Variants in POU3F1 observed in about 807,000 individuals in gnomAD.
POU3F1 encodes POU domain, class 3, transcription factor 1.
Under a neutral mutation model 7.6 loss-of-function variants are expected in POU3F1, and 1 was observed. The ratio of observed to expected loss-of-function variants is 0.13; its 90% CI spans 0.05 to 0.62. POU3F1 has a LOEUF of 0.62. Ranked by LOEUF, POU3F1 falls within the 20% of genes least tolerant of loss-of-function variation. The pLI, the probability that POU3F1 is intolerant of heterozygous loss-of-function variation, is 0.87. For missense variants in POU3F1, 505 were observed against 679.3 expected, an observed-to-expected ratio of 0.74 and a Z score of 2.85; for synonymous variants, 354 against 339.0, an observed-to-expected ratio of 1.04 and a Z score of -0.49.
At position 38,046,649 on chromosome 1, in the gene POU3F1, GC is replaced by G; in HGVS notation, c.94del (p.Ala32ArgfsTer21). On this transcript the variant is annotated frameshift_variant, in exon 1 of 1. Coordinates refer to ENST00000373012, the MANE Select transcript of POU3F1 (RefSeq NM_002699.4). LOFTEE classifies it low-confidence loss of function (END_TRUNC). This position sits in a 1 kb window ranked among gnomAD's most constrained non-coding sequence, Gnocchi z 9.5. ...CAATCGCTCCGCGGCCGCCGCCGCCGCCGCCGCCGCCGCGGCGTCCGGGTGC... is the reference window on the plus strand; with the variant it reads ...CAATCGCTCCGCGGCCGCCGCCGCCGCGCCGCCGCCGCGGCGTCCGGGTGC... ...LMHPDAAAAA[A>X]AAAAAERLHA... 1 of 1,304,284 alleles carries G rather than the reference GC, an allele frequency of 7.7e-7. No individual in the cohort carries two copies. Among genetic ancestry groups the G allele is most frequent in the Non-Finnish European group, 9.8e-7 (1 of 1,023,862 alleles). 80.8% of individuals were successfully genotyped at this position (1,304,284 alleles called of 1,614,324 possible).
Position 38,046,708 on chromosome 1 carries a change from G to T in POU3F1, c.36C>A (p.Pro12=). The T allele has an allele frequency of 3.5e-6, 4 of 1,156,526 alleles. No individual in the cohort carries two copies. In the South Asian group the frequency reaches 1.2e-4, roughly 34 times the overall value. 71.6% of individuals were successfully genotyped at this position (1,156,526 alleles called of 1,614,324 possible). A position where few individuals can be genotyped will look rare whatever the true frequency, so the allele number is the denominator to read the frequency against. The change falls in exon 1 of 1, where the codon CCC becomes CCA. Residue 12 remains proline (P), a synonymous_variant. Transcript: ENST00000373012. This position sits in a 1 kb window ranked among gnomAD's most constrained non-coding sequence, Gnocchi z 9.5. Reference sequence around the variant, plus strand: ...GCCCGGTGCCCCCGGCTCCGCCACCGGGGCCCCGCGGCAGGTACTGCGCGG... The same window carrying T: ...GCCCGGTGCCCCCGGCTCCGCCACCTGGGCCCCGCGGCAGGTACTGCGCGG... ...ATTAQYLPRG[P]GGGAGGTGPL...
rs934558121 is a variant in POU3F1, at chr1:38,044,434, G to C, written c.*954C>G. The stretch of plus-strand genomic sequence containing the variant: ...TGTGGCCAGGAGGGCAGGGCCCCGC[G>C]GGGAGCAGGGGCCGCGCTATGCGGC... On this transcript the variant is annotated 3_prime_UTR_variant, in exon 1 of 1. Transcript: ENST00000373012. 6.6e-6 allele frequency among the ~76,000 whole-genome samples: 1 copy of C among 152,240 alleles called. No individual in the cohort carries two copies. Among genetic ancestry groups the C allele is most frequent in the Non-Finnish European group, 1.5e-5 (1 of 68,036 alleles).
chr1:38,046,764 G>A lies in POU3F1; in HGVS notation c.-21C>T, dbSNP rs1646866289. The A allele has an allele frequency of 3.1e-6, 3 of 980,710 alleles. No homozygotes were observed. Among genetic ancestry groups the A allele is most frequent in the East Asian group, 1.2e-4 (1 of 8,574 alleles). 60.8% of individuals were successfully genotyped at this position (980,710 alleles called of 1,614,324 possible). ...GCCATGCCGCCCCGCGCCCTGCGCC[G>A]CGCCGCCGCCGCCGCTCCGCTCCGT... On this transcript the variant is annotated 5_prime_UTR_variant, in exon 1 of 1. Transcript: ENST00000373012. The surrounding 1 kb of genome is among the most constrained non-coding windows in gnomAD (Gnocchi z 9.5).
Position 38,046,654 on chromosome 1 carries a change from C to G in POU3F1, c.90G>C (p.Ala30=). The change falls in exon 1 of 1, where the codon GCG becomes GCC. Residue 30 remains alanine, a synonymous_variant. Coordinates refer to ENST00000373012, the MANE Select transcript of POU3F1 (RefSeq NM_002699.4). The surrounding 1 kb of genome is among the most constrained non-coding windows in gnomAD (Gnocchi z 9.5). The stretch of plus-strand genomic sequence containing the variant: ...GCTCCGCGGCCGCCGCCGCCGCCGC[C>G]GCCGCCGCGGCGTCCGGGTGCATAA... The part of the protein sequence containing the change: ...GPLMHPDAAA[A]AAAAAAAERL... 1 of 1,305,150 alleles carries G rather than the reference C, an allele frequency of 7.7e-7. No homozygotes were observed. Among genetic ancestry groups the G allele is most frequent in the Non-Finnish European group, 9.8e-7 (1 of 1,024,234 alleles). The allele number at this position is 1,305,150 out of a possible 1,614,324, so 80.8% of individuals were successfully genotyped here.
At position 38,046,327 on chromosome 1, in the gene POU3F1, C is replaced by G. The variant is rs2148746787; in HGVS notation, c.417G>C (p.Pro139=). The change falls in exon 1 of 1, where the codon CCG becomes CCC. Residue 139 remains proline (P), a synonymous_variant. Coordinates refer to ENST00000373012, the MANE Select transcript of POU3F1 (RefSeq NM_002699.4). This position sits in a 1 kb window ranked among gnomAD's most constrained non-coding sequence, Gnocchi z 9.5. ...TGGCCCCGGGCGAGGGCGACATGGC[C>G]GGGCCCAAGTGGTGCGCTGTGCTGC... ...AQGSTAHHLG[P]AMSPSPGASG... 2.5e-6 allele frequency: 3 copies of G among 1,210,444 alleles called. No individual in the cohort carries two copies. Among genetic ancestry groups the G allele is most frequent in the African/African-American group, 1.6e-5 (1 of 62,192 alleles). The allele number at this position is 1,210,444 out of a possible 1,614,324, so 75.0% of individuals were successfully genotyped here.
Position 38,045,469 on chromosome 1 carries a change from C to T in POU3F1, c.1275G>A (p.Ser425=). Residue 425 remains serine, a synonymous_variant, in exon 1 of 1, where the codon TCG becomes TCA. Coordinates refer to ENST00000373012, the MANE Select transcript of POU3F1 (RefSeq NM_002699.4). This position sits in a 1 kb window ranked among gnomAD's most constrained non-coding sequence, Gnocchi z 9.4. ...GELGPGGGGA[S]PPSAPPPPPP... Reference sequence around the variant, plus strand: ...GGGGCGGTGGGGGCGCGGAGGGTGGCGATGCGCCGCCCCCGCCAGGCCCTA... The same window carrying T: ...GGGGCGGTGGGGGCGCGGAGGGTGGTGATGCGCCGCCCCCGCCAGGCCCTA... 1.4e-6 allele frequency: 2 copies of T among 1,462,238 alleles called. No individual in the cohort carries two copies. The highest frequency in any genetic ancestry group is 1.4e-5 in the South Asian group (1 of 70,222). The allele number at this position is 1,462,238 out of a possible 1,614,324, so 90.6% of individuals were successfully genotyped here.
chr1:38,046,086 C>T lies in POU3F1; in HGVS notation c.658G>A (p.Ala220Thr). 2 of 1,357,900 alleles carry T rather than the reference C, an allele frequency of 1.5e-6. No homozygotes were observed. The highest frequency in any genetic ancestry group is 1.9e-6 in the Non-Finnish European group (2 of 1,053,262). 84.1% of individuals were successfully genotyped at this position (1,357,900 alleles called of 1,614,324 possible). A position where few individuals can be genotyped will look rare whatever the true frequency, so the allele number is the denominator to read the frequency against. Residue 220 changes from alanine to threonine, a missense_variant, in exon 1 of 1, where the codon GCG becomes ACG. Ala to Thr is a moderately conservative substitution (Grantham distance 58). Coordinates refer to ENST00000373012, the MANE Select transcript of POU3F1 (RefSeq NM_002699.4). The surrounding 1 kb of genome is among the most constrained non-coding windows in gnomAD (Gnocchi z 9.5). Reference sequence around the variant, plus strand: ...GCCGCCGCCGCGTGCAGGCCGCCCGCGTGTGCATGTCCGTGTGCGTGTCCG... The same window carrying T: ...GCCGCCGCCGCGTGCAGGCCGCCCGTGTGTGCATGTCCGTGTGCGTGTCCG... ...AHGHAHGHAHAGGLHAAAAHL... is the reference protein window; with the variant it reads ...AHGHAHGHAHTGGLHAAAAHL...
Position 38,046,363 on chromosome 1 carries a change from T to G in POU3F1, c.381A>C (p.Ala127=). 1.6e-6 allele frequency: 2 copies of G among 1,213,714 alleles called. No homozygotes were observed. The highest frequency in any genetic ancestry group is 6.7e-5 in the South Asian group (2 of 29,686). The allele number at this position is 1,213,714 out of a possible 1,614,324, so 75.2% of individuals were successfully genotyped here. Residue 127 remains alanine, a synonymous_variant, in exon 1 of 1, where the codon GCA becomes GCC. Transcript: ENST00000373012. This position sits in a 1 kb window ranked among gnomAD's most constrained non-coding sequence, Gnocchi z 9.5. ...GGTGCGCTGTGCTGCCCTGCGCCCA[T>G]GCCGCGCCCGCGTGGGCCGCCCCCT... ...VHQGAAHAGA[A]WAQGSTAHHL... is the part of the protein sequence containing the mutation.
Position 38,046,481 on chromosome 1 carries a change from G to A in POU3F1, c.263C>T (p.Pro88Leu). ...GGGGGDWAGG[P>L]HLEHGKAGGG... ...GCCTGCCTTGCCGTGTTCTAGGTGC[G>A]GGCCGCCGGCCCAATCGCCGCCGCC... The change falls in exon 1 of 1, where the codon CCG becomes CTG. Residue 88 changes from proline to leucine, a missense_variant. By Grantham distance (98) the Pro-to-Leu change is moderately conservative (BLOSUM62 -3). Coordinates refer to ENST00000373012, the MANE Select transcript of POU3F1 (RefSeq NM_002699.4). This position sits in a 1 kb window ranked among gnomAD's most constrained non-coding sequence, Gnocchi z 9.5. 2 of 1,371,804 alleles carry A rather than the reference G, an allele frequency of 1.5e-6. No homozygotes were observed. The highest frequency in any genetic ancestry group is 2.7e-4 in the Middle Eastern group (1 of 3,692). The allele number at this position is 1,371,804 out of a possible 1,614,324, so 85.0% of individuals were successfully genotyped here.
In POU3F1 at chr1:38,046,011, AGTG is replaced by A; in HGVS notation, c.730_732del (p.His244del). On this transcript the variant is annotated inframe_deletion, in exon 1 of 1. Transcript: ENST00000373012. The surrounding 1 kb of genome is among the most constrained non-coding windows in gnomAD (Gnocchi z 9.5). ...TCCGAGCTGGGCGCATCCTCGTCCGAGTGCTCGCCCACCGATGAGCCGCCGCCG... is the reference window on the plus strand; with the variant it reads ...TCCGAGCTGGGCGCATCCTCGTCCGACTCGCCCACCGATGAGCCGCCGCCG... 6.2e-7 allele frequency: 1 copy of A among 1,604,002 alleles called. No individual in the cohort carries two copies. Among genetic ancestry groups the A allele is most frequent in the Non-Finnish European group, 8.5e-7 (1 of 1,177,072 alleles).
Position 38,046,021 on chromosome 1 carries a change from C to T in POU3F1, c.723G>A (p.Val241=). 1 of 1,592,738 alleles carries T rather than the reference C, an allele frequency of 6.3e-7. No individual in the cohort carries two copies. Among genetic ancestry groups the T allele is most frequent in the Non-Finnish European group, 8.5e-7 (1 of 1,172,568 alleles). The change falls in exon 1 of 1, where the codon GTG becomes GTA. Residue 241 remains valine (V), a synonymous_variant. Transcript: ENST00000373012. This position sits in a 1 kb window ranked among gnomAD's most constrained non-coding sequence, Gnocchi z 9.5. ...GCGCATCCTCGTCCGAGTGCTCGCC[C>T]ACCGATGAGCCGCCGCCGCCCGCGC... The part of the protein sequence containing the change: ...HPGAGGGGSS[V]GEHSDEDAPS...
Position 38,046,474 on chromosome 1 carries a change from T to C in POU3F1, c.270A>G (p.Leu90=). The change falls in exon 1 of 1, where the codon CTA becomes CTG. Residue 90 remains leucine (L), a synonymous_variant. Coordinates refer to ENST00000373012, the MANE Select transcript of POU3F1 (RefSeq NM_002699.4). The surrounding 1 kb of genome is among the most constrained non-coding windows in gnomAD (Gnocchi z 9.5). Reference sequence around the variant, plus strand: ...CGCCGCCGCCTGCCTTGCCGTGTTCTAGGTGCGGGCCGCCGGCCCAATCGC... The same window carrying C: ...CGCCGCCGCCTGCCTTGCCGTGTTCCAGGTGCGGGCCGCCGGCCCAATCGC... ...GGGDWAGGPH[L]EHGKAGGGGT... The C allele has an allele frequency of 7.3e-7, 1 of 1,364,914 alleles. No homozygotes were observed. Among genetic ancestry groups the C allele is most frequent in the Non-Finnish European group, 9.4e-7 (1 of 1,058,358 alleles). The allele number at this position is 1,364,914 out of a possible 1,614,324, so 84.6% of individuals were successfully genotyped here.
rs753093803 is a variant in POU3F1 at position 38,046,636 on chromosome 1, GGCC to G, written c.105_107del (p.Ala37del). ...CGGCCCCTGCATGCAATCGCTCCGC[GGCC>G]GCCGCCGCCGCCGCCGCCGCCGCGG... On this transcript the variant is annotated inframe_deletion, in exon 1 of 1. Coordinates refer to ENST00000373012, the MANE Select transcript of POU3F1 (RefSeq NM_002699.4). The surrounding 1 kb of genome is among the most constrained non-coding windows in gnomAD (Gnocchi z 9.5). 0.014 allele frequency: 17,986 copies of G among 1,284,132 alleles called. 93 individuals are homozygous for G. Among genetic ancestry groups the G allele is most frequent in the South Asian group, 0.02 (1,030 of 50,598 alleles). The allele number at this position is 1,284,132 out of a possible 1,614,324, so 79.5% of individuals were successfully genotyped here. A position where few individuals can be genotyped will look rare whatever the true frequency, so the allele number is the denominator to read the frequency against.
Position 38,046,164 on chromosome 1 carries a change from C to T in POU3F1, c.580G>A (p.Asp194Asn), listed in dbSNP as rs1193605362. Residue 194 changes from aspartate (D) to asparagine (N), a missense_variant, in exon 1 of 1, where the codon GAT (aspartate) becomes AAT (asparagine). Physicochemically the swap from Asp to Asn is conservative, Grantham distance 23. Transcript: ENST00000373012. This position sits in a 1 kb window ranked among gnomAD's most constrained non-coding sequence, Gnocchi z 9.5. Reference sequence around the variant, plus strand: ...GGCTCCAGCTGCGCCTCGTGGCCATCCTCGTGCAGCGCGTGGTGCAGGCCC... The same window carrying T: ...GGCTCCAGCTGCGCCTCGTGGCCATTCTCGTGCAGCGCGTGGTGCAGGCCC... ...GPGLHHALHE[D>N]GHEAQLEPSP... 1.5e-6 allele frequency: 2 copies of T among 1,366,606 alleles called. No individual in the cohort carries two copies. Among genetic ancestry groups the T allele is most frequent in the Non-Finnish European group, 1.9e-6 (2 of 1,060,750 alleles). The allele number at this position is 1,366,606 out of a possible 1,614,324, so 84.7% of individuals were successfully genotyped here.
Position 38,045,984 on chromosome 1 carries a change from C to T in POU3F1, c.760G>A (p.Asp254Asn), listed in dbSNP as rs1165575427. ...AACTGCTTGGCGAACTGCTCCAGGT[C>T]GTCCGAGCTGGGCGCATCCTCGTCC... ...HSDEDAPSSD[D>N]LEQFAKQFKQ... is the part of the protein sequence containing the mutation. Residue 254 changes from aspartate (D) to asparagine (N), a missense_variant, in exon 1 of 1, where the codon GAC (aspartate) becomes AAC (asparagine). By Grantham distance (23) the Asp-to-Asn change is conservative. Around this residue, in one of 5 missense-constraint regions of POU3F1, gnomAD observed 26 missense variants for 99.9 expected, o/e 0.26. Transcript: ENST00000373012. The surrounding 1 kb of genome is among the most constrained non-coding windows in gnomAD (Gnocchi z 9.4). 1 of 1,611,938 alleles carries T rather than the reference C, an allele frequency of 6.2e-7. No individual in the cohort carries two copies. Among genetic ancestry groups the T allele is most frequent in the Non-Finnish European group, 8.5e-7 (1 of 1,179,846 alleles).
Position 38,045,551 on chromosome 1 carries a change from G to A in POU3F1, c.1193C>T (p.Thr398Ile). ...CGGGTGGCCCGCGCCGGCCGCAGGG[G>A]TCATGCGCTTCTCCTTCTGCCGCCG... is the stretch of plus-strand genomic sequence containing the variant. ...CNRRQKEKRMTPAAGAGHPPM... is the reference protein window; with the variant it reads ...CNRRQKEKRMIPAAGAGHPPM... The change falls in exon 1 of 1, where the codon ACC becomes ATC. Residue 398 changes from threonine (T) to isoleucine (I), a missense_variant. Around this residue, in one of 5 missense-constraint regions of POU3F1, gnomAD observed 72 missense variants for 93.7 expected, o/e 0.77. Coordinates refer to ENST00000373012, the MANE Select transcript of POU3F1 (RefSeq NM_002699.4). The surrounding 1 kb of genome is among the most constrained non-coding windows in gnomAD (Gnocchi z 9.4). The A allele has an allele frequency of 2.5e-6, 4 of 1,605,784 alleles. No individual in the cohort carries two copies. Among genetic ancestry groups the A allele is most frequent in the Non-Finnish European group, 3.4e-6 (4 of 1,176,414 alleles).
rs1320032849 is a variant in POU3F1, at chr1:38,045,525, G to C, written c.1219C>G (p.Pro407Ala). 1.3e-5 allele frequency: 20 copies of C among 1,592,680 alleles called. No homozygotes were observed. The highest frequency in any genetic ancestry group is 1.6e-5 in the Non-Finnish European group (19 of 1,170,202). Residue 407 changes from proline to alanine, a missense_variant, in exon 1 of 1, where the codon CCC becomes GCC. Physicochemically the swap from Pro to Ala is conservative, Grantham distance 27. Around this residue, in one of 5 missense-constraint regions of POU3F1, gnomAD observed 72 missense variants for 93.7 expected, o/e 0.77. Transcript: ENST00000373012. The surrounding 1 kb of genome is among the most constrained non-coding windows in gnomAD (Gnocchi z 9.4). Reference protein sequence around the residue: ...MTPAAGAGHPPMDDVYAPGEL... With the variant: ...MTPAAGAGHPAMDDVYAPGEL... ...CCAGGCGCGTATACATCGTCCATGG[G>C]CGGGTGGCCCGCGCCGGCCGCAGGG...
Position 38,045,302 on chromosome 1 carries a change from G to T in POU3F1, c.*86C>A. 8.4e-6 allele frequency: 3 copies of T among 358,228 alleles called. No individual in the cohort carries two copies. Among genetic ancestry groups the T allele is most frequent in the African/African-American group, 2.3e-5 (1 of 43,110 alleles). The allele number at this position is 358,228 out of a possible 1,614,324, so 22.2% of individuals were successfully genotyped here. On this transcript the variant is annotated 3_prime_UTR_variant, in exon 1 of 1. Transcript: ENST00000373012. The surrounding 1 kb of genome is among the most constrained non-coding windows in gnomAD (Gnocchi z 9.4). ...TTTTTTTTTTTTTGTAAAATCCAAA[G>T]CAACCGAACAAAAAGAGTCCAGGCC...
rs1008756723 is a variant in POU3F1, at chr1:38,046,454, C to T, written c.290G>A (p.Gly97Asp). The T allele has an allele frequency of 1.0e-5, 14 of 1,336,834 alleles. No individual in the cohort carries two copies. The highest frequency in any genetic ancestry group is 1.2e-5 in the Non-Finnish European group (13 of 1,043,054). 82.8% of individuals were successfully genotyped at this position (1,336,834 alleles called of 1,614,324 possible). Residue 97 changes from glycine to aspartate, a missense_variant, in exon 1 of 1, where the codon GGC becomes GAC. By Grantham distance (94) the Gly-to-Asp change is moderately conservative. Coordinates refer to ENST00000373012, the MANE Select transcript of POU3F1 (RefSeq NM_002699.4). The surrounding 1 kb of genome is among the most constrained non-coding windows in gnomAD (Gnocchi z 9.5). ...GTCGTCGGCTCGGCCGGTGCCGCCG[C>T]CGCCTGCCTTGCCGTGTTCTAGGTG... ...GPHLEHGKAG[G>D]GGTGRADDGG...
Sources: gnomAD v4.1 joint callset for allele counts (sites outside exome capture counted in the v4.1 genomes callset) on GRCh38, gnomAD v4.1.1 for gene constraint, gnomAD v4.1.1 regional missense constraint, Gnocchi (gnomAD v3.1) non-coding constraint, MANE v1.5 for transcripts, NCBI Gene and HGNC (gene_info 2026-07-23, HGNC 2026-07-21) for gene names.